Variants in GXYLT1 observed in about 807,000 individuals in gnomAD.
GXYLT1 encodes glucoside xylosyltransferase 1.
GXYLT1 carries 29 observed loss-of-function variants against 54.0 expected under a neutral mutation model. The observed-to-expected ratio is 0.54, with a 90% CI of 0.40 to 0.73. GXYLT1 has a LOEUF of 0.73. Ranked by LOEUF, GXYLT1 falls within the 30% of genes least tolerant of loss-of-function variation. The probability of loss-of-function intolerance (pLI) is 0.00; values close to 1 mark genes in which losing one functional copy is unlikely to be tolerated. For synonymous variants in GXYLT1, 176 were observed against 204.1 expected (o/e 0.86, Z 1.17); for missense variants, 490 against 553.4 (o/e 0.89, Z 1.15).
At chr12:42,115,294 G>A (rs2065486870) in intron 3 of GXYLT1, among the ~76,000 whole-genome samples, 1 of 152,162 alleles carries the variant, frequency 6.6e-6, no homozygotes, top group Non-Finnish European at 1.5e-5. Flanking sequence ...AATCAGGCAG[G>A]AGAAGGAAAT....
intron 3 of GXYLT1, among the ~76,000 whole-genome samples, chr12:42,111,516 G>A (rs1203644835): frequency 5.9e-5 from 9 of 152,252 alleles, no homozygotes; most frequent in Admixed American, 2.0e-4. Flanking sequence ...CTATGCCCAC[G>A]GAGTCTGGCT....
At chr12:42,110,892 T>C (rs898122094) in intron 3 of GXYLT1, among the ~76,000 whole-genome samples, 1 of 152,198 alleles carries the variant, frequency 6.6e-6, no homozygotes, top group Non-Finnish European at 1.5e-5. Context: ...TATTCTTTCA[T>C]CAAAAGCAAA....
Position 42,119,010 on chromosome 12 carries a change from A to C in GXYLT1, c.476T>G (p.Phe159Cys). Residue 159 changes from phenylalanine (F) to cysteine (C), a missense_variant, in exon 3 of 8, where the codon TTT (phenylalanine) becomes TGT (cysteine). Transcript: ENST00000398675. ...GTCTCAAATACTTACTCTGCCTTTA[A>C]AGCTATGATGTAGCTGATCTTCAGC... ...IFAEDQLHHS[F>C]KGRLDNWSFL... is the part of the protein sequence containing the mutation. 1 of 1,612,994 alleles carries C rather than the reference A, an allele frequency of 6.2e-7. No individual in the cohort carries two copies. Among genetic ancestry groups the C allele is most frequent in the Non-Finnish European group, 8.5e-7 (1 of 1,179,010 alleles).
At chr12:42,091,785 T>C (rs1291777546) in intron 7 of GXYLT1, among the ~76,000 whole-genome samples, 1 of 152,212 alleles carries the variant, frequency 6.6e-6, no homozygotes, top group Non-Finnish European at 1.5e-5. Context: ...AAGAAACAGA[T>C]TTCTGGGAGA....
At chr12:42,093,631 T>C (rs1156488979) in intron 7 of GXYLT1, among the ~76,000 whole-genome samples, 1 of 152,210 alleles carries the variant, frequency 6.6e-6, no homozygotes, top group East Asian at 1.9e-4. Flanking sequence ...ATGGAATTTA[T>C]GATAATGTCA....
At chr12:42,115,488 A>T (rs1248579326) in intron 3 of GXYLT1, among the ~76,000 whole-genome samples, 1 of 152,206 alleles carries the variant, frequency 6.6e-6, no homozygotes. Context: ...CAGCAATAAC[A>T]GACAACTAGA....
chr12:42,123,041 C>G (rs942585812), intron 2 of GXYLT1, among the ~76,000 whole-genome samples: 1 of 151,974 alleles, frequency 6.6e-6, no homozygotes, highest in African/African-American at 2.4e-5. Flanking sequence ...AAAACAAAAA[C>G]AAAAATATCA....
At chr12:42,138,255 T>G (rs534138013) in intron 1 of GXYLT1, among the ~76,000 whole-genome samples, 60 of 152,094 alleles carry the variant, frequency 3.9e-4, no homozygotes, top group Non-Finnish European at 8.4e-4. Flanking sequence ...TGACAGAGAC[T>G]GCGTCTGGGT....
chr12:42,099,185 G>A (rs1313260489), intron 5 of GXYLT1, among the ~76,000 whole-genome samples: 1 of 152,134 alleles, frequency 6.6e-6, no homozygotes, highest in African/African-American at 2.4e-5. Context: ...TTTGCTATCA[G>A]AATTACAACC....
intron 5 of GXYLT1, among the ~76,000 whole-genome samples, chr12:42,104,895 A>AG (rs2065410609): frequency 6.6e-6 from 1 of 152,222 alleles, no homozygotes; most frequent in African/African-American, 2.4e-5. Flanking sequence ...ATACTCCTAG[A>AG]GGGTATAGTG....
rs527663874 is a variant in GXYLT1, at chr12:42,083,629, C to G, written c.*4157G>C. On this transcript the variant is annotated 3_prime_UTR_variant, in exon 8 of 8. Transcript: ENST00000398675. ...TGAAAAATAAGACAGCCAATAATAT[C>G]TTTTAAGGTATTTCTGCTGTCTTTT... The G allele has an allele frequency of 9.7e-5, 2 of 20,608 alleles. No individual in the cohort carries two copies. Among genetic ancestry groups the G allele is most frequent in the South Asian group, 1.1e-3 (1 of 894 alleles). 1.3% of individuals were successfully genotyped at this position (20,608 alleles called of 1,614,324 possible). A position where few individuals can be genotyped will look rare whatever the true frequency, so the allele number is the denominator to read the frequency against.
rs116747340 is a variant in GXYLT1 at position 42,119,189 on chromosome 12, C to T, written c.315-18G>A. On this transcript the variant is annotated intron_variant, in intron 2 of 7. Coordinates refer to ENST00000398675, the MANE Select transcript of GXYLT1 (RefSeq NM_173601.2). ...GACTGTACCTAATAGGAAAGAAAAC[C>T]ACATTTTTCAACAGTTTTAGTATAT... 857 of 1,493,910 alleles carry T rather than the reference C, an allele frequency of 5.7e-4. 2 individuals carry two copies. In the African/African-American group the frequency reaches 0.01, roughly 18 times the overall value. The allele number at this position is 1,493,910 out of a possible 1,614,324, so 92.5% of individuals were successfully genotyped here.
intron 7 of GXYLT1, among the ~76,000 whole-genome samples, chr12:42,096,932 C>T (rs894743050): frequency 6.6e-6 from 1 of 151,910 alleles, no homozygotes; most frequent in African/African-American, 2.4e-5. Flanking sequence ...TATCCTGAAC[C>T]TAATCGTAAG....
chr12:42,132,022 T>C (rs1212186754), intron 1 of GXYLT1, among the ~76,000 whole-genome samples: 1 of 152,182 alleles, frequency 6.6e-6, no homozygotes, highest in Admixed American at 6.5e-5. Context: ...CAGTGAAACA[T>C]GGAAATAGAA....
chr12:42,135,687 A>G (rs2065615872), intron 1 of GXYLT1, among the ~76,000 whole-genome samples: 1 of 152,198 alleles, frequency 6.6e-6, no homozygotes, highest in Non-Finnish European at 1.5e-5. Context: ...TATTATGCCA[A>G]AAAGAAAGCC....
At position 42,130,865 on chromosome 12, in the gene GXYLT1, T is replaced by C. The variant is rs947682013; in HGVS notation, c.222-1014A>G. Among the ~76,000 whole-genome samples the C allele has an allele frequency of 3.3e-5, 5 of 152,184 alleles. No homozygotes were observed. In the East Asian group the frequency reaches 9.6e-4, roughly 29 times the overall value. On this transcript the variant is annotated intron_variant, in intron 1 of 7. Coordinates refer to ENST00000398675, the MANE Select transcript of GXYLT1 (RefSeq NM_173601.2). ...AGGAGGCTGTGGTGGGAGGATGGCA[T>C]GAGCCCAGGAGTTTGATGTTGCAAT...
At chr12:42,133,790 G>A (rs964795691) in intron 1 of GXYLT1, among the ~76,000 whole-genome samples, 1 of 152,140 alleles carries the variant, frequency 6.6e-6, no homozygotes, top group Non-Finnish European at 1.5e-5. Context: ...CTGTCTAGTG[G>A]GGAGTAACAG....
rs1039026750 is a variant in GXYLT1 at position 42,083,402 on chromosome 12, A to G, written c.*4384T>C. The stretch of plus-strand genomic sequence containing the variant: ...CTTTATTAAATATTAAAATGCAATA[A>G]GGCAATTATTGTTTTTAAGACACTT... On this transcript the variant is annotated 3_prime_UTR_variant, in exon 8 of 8. Transcript: ENST00000398675. 7.2e-5 allele frequency: 11 copies of G among 152,274 alleles called. No homozygotes were observed. The highest frequency in any genetic ancestry group is 2.7e-4 in the African/African-American group (11 of 41,480). 9.4% of individuals were successfully genotyped at this position (152,274 alleles called of 1,614,324 possible).
chr12:42,105,596 TTGTCA>T (rs1555140181), intron 5 of GXYLT1, among the ~76,000 whole-genome samples: 12 of 152,206 alleles, frequency 7.9e-5, no homozygotes, highest in Non-Finnish European at 2.9e-5. Context: ...TTTTACTCCA[TTGTCA>T]TGTCATCTGG....
Sources: allele counts gnomAD v4.1 joint callset (sites outside exome capture counted in the v4.1 genomes callset), GRCh38; gene constraint gnomAD v4.1.1; transcripts MANE v1.5; gene names NCBI Gene and HGNC (gene_info 2026-07-23, HGNC 2026-07-21).